EDN1: variants seen among roughly 807,000 people sequenced by gnomAD.
The protein encoded by EDN1 is endothelin-1.
Under a neutral mutation model 21.7 loss-of-function variants are expected in EDN1, and 11 were observed. The ratio of observed to expected loss-of-function variants is 0.51; its 90% CI spans 0.32 to 0.84. EDN1 has a LOEUF of 0.84. Ranked by LOEUF, EDN1 falls within the 40% of genes least tolerant of loss-of-function variation. The pLI is 0.03. For synonymous variants in EDN1, 85 were observed against 90.6 expected, an observed-to-expected ratio of 0.94 and a Z score of 0.35; for missense variants, 244 against 262.3, an observed-to-expected ratio of 0.93 and a Z score of 0.48.
chr6:12,242,754 C>T, the EDN1 span, among the ~76,000 whole-genome samples: 1,557 of 150,230 alleles, frequency 0.01, 35 homozygotes, highest in African/African-American at 0.038. Context: ...CATGCTTTGA[C>T]TACACTGACC....
In EDN1 at chr6:12,296,297, G is replaced by C. The variant is rs1262858926; in HGVS notation, c.*230G>C. 1.0e-5 allele frequency: 5 copies of C among 498,200 alleles called. No individual in the cohort carries two copies. The highest frequency in any genetic ancestry group is 1.9e-5 in the Non-Finnish European group (5 of 270,136). The allele number at this position is 498,200 out of a possible 1,614,324, so 30.9% of individuals were successfully genotyped here. On this transcript the variant is annotated 3_prime_UTR_variant, in exon 5 of 5. Transcript: ENST00000379375. ...TGCTTTGGTCTCTTCTTTCATCTGG[G>C]GATGACAATGGACCTCTCAGCAGAA...
At chr6:12,255,057 T>A in the EDN1 span, among the ~76,000 whole-genome samples, 2 of 151,998 alleles carry the variant, frequency 1.3e-5, no homozygotes, top group Non-Finnish European at 2.9e-5. Flanking sequence ...TTCTTTCAGA[T>A]AAATTGTTCC....
chr6:12,243,855 A>G, the EDN1 span, among the ~76,000 whole-genome samples: 2 of 152,232 alleles, frequency 1.3e-5, no homozygotes, highest in African/African-American at 4.8e-5. Flanking sequence ...AAATTACTTT[A>G]GAAAAGCTTA....
At chr6:12,254,314 C>T in the EDN1 span, among the ~76,000 whole-genome samples, 1 of 152,176 alleles carries the variant, frequency 6.6e-6, no homozygotes, top group African/African-American at 2.4e-5. Context: ...TCTCCCTTTG[C>T]CTGGCCAATT....
In EDN1 at chr6:12,290,508, G is replaced by A. The variant is rs1406690830; in HGVS notation, c.-122G>A. ...TTTTCTCCCCGTTAAAAGGGCACTTGGGCTGAAGGATCGCTTTGAGATCTG... is the reference window on the plus strand; with the variant it reads ...TTTTCTCCCCGTTAAAAGGGCACTTAGGCTGAAGGATCGCTTTGAGATCTG... On this transcript the variant is annotated 5_prime_UTR_variant, in exon 1 of 5. Coordinates refer to ENST00000379375, the MANE Select transcript of EDN1 (RefSeq NM_001955.5). 2 of 817,516 alleles carry A rather than the reference G, an allele frequency of 2.4e-6. No homozygotes were observed. Among genetic ancestry groups the A allele is most frequent in the Admixed American group, 2.0e-5 (1 of 49,762 alleles). The allele number at this position is 817,516 out of a possible 1,614,324, so 50.6% of individuals were successfully genotyped here. A position where few individuals can be genotyped will look rare whatever the true frequency, so the allele number is the denominator to read the frequency against.
At chr6:12,240,456 G>A in the EDN1 span, among the ~76,000 whole-genome samples, 1 of 152,194 alleles carries the variant, frequency 6.6e-6, no homozygotes, top group Admixed American at 6.5e-5. Context: ...TTCTGAGTGG[G>A]AGAAATGTTT....
chr6:12,292,177 A>AG (rs1461032879), intron 1 of EDN1, among the ~76,000 whole-genome samples, 164 bp from the exon 2 acceptor site: 1 of 152,246 alleles, frequency 6.6e-6, no homozygotes, highest in Admixed American at 6.5e-5. Flanking sequence ...CATGTTAAGG[A>AG]GGGAAAAAAA....
At chr6:12,258,287 T>TAA in the EDN1 span, among the ~76,000 whole-genome samples, 534 of 143,414 alleles carry the variant, frequency 3.7e-3, 1 homozygote, top group African/African-American at 0.013. Context: ...CCTCCATCTT[T>TAA]AAAAAAAAAA....
At chr6:12,232,090 A>G in the EDN1 span, among the ~76,000 whole-genome samples, 1 of 147,516 alleles carries the variant, frequency 6.8e-6, no homozygotes, top group African/African-American at 2.5e-5. Context: ...TAATGTGTAT[A>G]TTATAATTAT....
the EDN1 span, among the ~76,000 whole-genome samples, chr6:12,284,409 G>A: frequency 3.9e-5 from 6 of 151,968 alleles, no homozygotes; most frequent in Non-Finnish European, 8.8e-5. Context: ...CTACTCAAGA[G>A]GCTGAGGTGG....
intron 4 of EDN1, 54 bp from the exon 5 acceptor site, chr6:12,295,908 C>G: frequency 6.4e-7 from 1 of 1,568,190 alleles, no homozygotes; most frequent in Non-Finnish European, 8.7e-7. Flanking sequence ...TTTCTTTTGC[C>G]AAAGGGTGAT....
chr6:12,251,288 C>T, the EDN1 span, among the ~76,000 whole-genome samples: 1 of 152,130 alleles, frequency 6.6e-6, no homozygotes, highest in South Asian at 2.1e-4. Context: ...ATTGGAAAGA[C>T]TTACACAATG....
At position 12,297,165 on chromosome 6, in the gene EDN1, T is replaced by G. The variant is rs1243111799; in HGVS notation, c.*1098T>G. On this transcript the variant is annotated 3_prime_UTR_variant, in exon 5 of 5. Coordinates refer to ENST00000379375, the MANE Select transcript of EDN1 (RefSeq NM_001955.5). Reference sequence around the variant, plus strand: ...GTTTTGCCTGTCAAGGTAATGACTTTAGAAAATAAATATTTTTTTCCTTAC... The same window carrying G: ...GTTTTGCCTGTCAAGGTAATGACTTGAGAAAATAAATATTTTTTTCCTTAC... 1 of 152,230 alleles carries G rather than the reference T, an allele frequency of 6.6e-6. No homozygotes were observed. Among genetic ancestry groups the G allele is most frequent in the Non-Finnish European group, 1.5e-5 (1 of 68,040 alleles). 9.4% of individuals were successfully genotyped at this position (152,230 alleles called of 1,614,324 possible). A position where few individuals can be genotyped will look rare whatever the true frequency, so the allele number is the denominator to read the frequency against.
the EDN1 span, among the ~76,000 whole-genome samples, chr6:12,246,905 A>T: frequency 2.0e-5 from 3 of 152,222 alleles, no homozygotes; most frequent in Non-Finnish European, 4.4e-5. Flanking sequence ...CCCTTGTAAG[A>T]ATCAATTGTT....
At chr6:12,238,430 A>G in the EDN1 span, among the ~76,000 whole-genome samples, 86 of 152,260 alleles carry the variant, frequency 5.6e-4, no homozygotes, top group African/African-American at 2.0e-3. Flanking sequence ...GCTGCAGAAG[A>G]GGGGGATATT....
chr6:12,269,160 G>A, the EDN1 span, among the ~76,000 whole-genome samples: 540 of 152,118 alleles, frequency 3.5e-3, 5 homozygotes, highest in African/African-American at 0.012. Context: ...AAATGCTACT[G>A]ATTTTTGCAT....
chr6:12,278,460 G>A, the EDN1 span, among the ~76,000 whole-genome samples: 3,130 of 152,230 alleles, frequency 0.021, 42 homozygotes, highest in East Asian at 0.071. Context: ...CCCATCCTGA[G>A]GGTCCTTGAG....
At chr6:12,242,026 A>G in the EDN1 span, among the ~76,000 whole-genome samples, 5 of 152,212 alleles carry the variant, frequency 3.3e-5, no homozygotes, top group Non-Finnish European at 7.3e-5. Context: ...CATTAATGCA[A>G]TTTATCTGGA....
the EDN1 span, among the ~76,000 whole-genome samples, chr6:12,284,741 AAGGAAGG>A: frequency 0.096 from 10,748 of 111,900 alleles, 465 homozygotes; most frequent in Non-Finnish European, 0.11. Context: ...GGAAGGAAGG[AAGGAAGG>A]AAGAAAGAAA....
Sources: allele counts gnomAD v4.1 joint callset (sites outside exome capture counted in the v4.1 genomes callset), GRCh38; gene constraint gnomAD v4.1.1; transcripts MANE v1.5; gene names NCBI Gene and HGNC (gene_info 2026-07-23, HGNC 2026-07-21).